CHD9: variants seen among roughly 807,000 people sequenced by gnomAD.
CHD9 encodes chromodomain helicase DNA binding protein 9.
A neutral mutation model predicts 316.1 loss-of-function variants in CHD9; 77 were observed. The ratio of observed to expected loss-of-function variants is 0.24; its 90% CI spans 0.20 to 0.29. The LOEUF is 0.29. Ranked by LOEUF, CHD9 falls within the 10% of genes least tolerant of loss-of-function variation. The pLI, the probability that CHD9 is intolerant of heterozygous loss-of-function variation, is 1.00. For synonymous variants in CHD9, 1,129 were observed against 1,158.3 expected (o/e 0.97, Z 0.51); for missense variants, 2,763 against 3,438.1 (o/e 0.80, Z 4.91).
At chr16:53,140,438 A>T (rs1330942464) in intron 1 of CHD9, among the ~76,000 whole-genome samples, 2 of 151,056 alleles carry the variant, frequency 1.3e-5, no homozygotes, top group African/African-American at 4.9e-5. Flanking sequence ...AAAAAAGAAT[A>T]TTTAGATTTG....
intron 1 of CHD9, among the ~76,000 whole-genome samples, chr16:53,114,521 G>A (rs1418364790): frequency 6.6e-6 from 1 of 152,120 alleles, no homozygotes; most frequent in African/African-American, 2.4e-5. Context: ...GCCTCCCAAA[G>A]TGCTGGGATT....
intron 20 of CHD9, among the ~76,000 whole-genome samples, chr16:53,266,564 A>G (rs908996257): frequency 6.6e-6 from 1 of 152,166 alleles, no homozygotes; most frequent in Non-Finnish European, 1.5e-5. Context: ...GATACCTCTT[A>G]TATCATAAAA....
intron 7 of CHD9, among the ~76,000 whole-genome samples, chr16:53,228,391 C>T (rs1048589220): frequency 3.3e-5 from 5 of 151,514 alleles, no homozygotes; most frequent in African/African-American, 4.8e-5. Context: ...TTATGTCAGA[C>T]GCACACAATG....
Position 53,324,858 on chromosome 16 carries a change from C to G in CHD9, c.8657C>G (p.Ser2886Trp). 2 of 1,606,436 alleles carry G rather than the reference C, an allele frequency of 1.2e-6. No homozygotes were observed. Among genetic ancestry groups the G allele is most frequent in the Non-Finnish European group, 1.7e-6 (2 of 1,176,970 alleles). Reference protein sequence around the residue: ...DASSGSDSTSSSSEDSDSSNE... With the variant: ...DASSGSDSTSWSSEDSDSSNE... ...TCATCTGGATCTGATAGTACATCGTCGTCATCTGAGGATTCAGATTCTAGT... is the reference window on the plus strand; with the variant it reads ...TCATCTGGATCTGATAGTACATCGTGGTCATCTGAGGATTCAGATTCTAGT... Residue 2886 changes from serine (S) to tryptophan (W), a missense_variant, in exon 39 of 39, where the codon TCG becomes TGG. Ser to Trp is a radical substitution (Grantham distance 177). Transcript: ENST00000447540.
chr16:53,248,858 A>G (rs1031242011), intron 16 of CHD9, among the ~76,000 whole-genome samples: 3 of 151,934 alleles, frequency 2.0e-5, no homozygotes, highest in Non-Finnish European at 2.9e-5. Context: ...ACCCATATAG[A>G]TAAGTAAAGG....
intron 21 of CHD9, 107 bp from the exon 22 acceptor site, chr16:53,267,820 A>C (rs886244828): frequency 2.1e-6 from 2 of 932,512 alleles, no homozygotes; most frequent in Non-Finnish European, 3.2e-6. Context: ...AGACTTAATT[A>C]GCAAAAATGA....
intron 36 of CHD9, 144 bp downstream of exon 36, chr16:53,315,188 A>T: frequency 1.6e-6 from 1 of 626,186 alleles, no homozygotes; most frequent in Non-Finnish European, 2.8e-6. Context: ...AATAATTACC[A>T]TCCTTCCCAT....
Position 53,113,680 on chromosome 16 carries a change from T to C in CHD9, c.-164-42246T>C, listed in dbSNP as rs143209193. Among the ~76,000 whole-genome samples the C allele has an allele frequency of 2.2e-3, 341 of 152,120 alleles. 2 individuals are homozygous for C. The highest frequency in any genetic ancestry group is 8.0e-3 in the African/African-American group (330 of 41,494). Reference sequence around the variant, plus strand: ...GACTTCCAGGATGAGCCTAGTTTTTTTGTTCTTTTTCTGTTTTGTTTTGTT... The same window carrying C: ...GACTTCCAGGATGAGCCTAGTTTTTCTGTTCTTTTTCTGTTTTGTTTTGTT... On this transcript the variant is annotated intron_variant, in intron 1 of 38. Coordinates refer to ENST00000447540, the MANE Select transcript of CHD9 (RefSeq NM_001308319.2).
chr16:53,220,067 A>G (rs903093189), intron 3 of CHD9, among the ~76,000 whole-genome samples: 51 of 152,198 alleles, frequency 3.4e-4, no homozygotes, highest in African/African-American at 1.2e-3. Flanking sequence ...TATTTTAGGA[A>G]AGAAACTAGA....
intron 1 of CHD9, among the ~76,000 whole-genome samples, chr16:53,069,859 C>T (rs1596869781): frequency 6.6e-6 from 1 of 152,302 alleles, no homozygotes; most frequent in Non-Finnish European, 1.5e-5. Context: ...ACCAACAATG[C>T]ACCAAGGTTT....
intron 28 of CHD9, 114 bp from the exon 29 acceptor site, chr16:53,292,719 G>A: frequency 1.3e-6 from 1 of 757,726 alleles, no homozygotes; most frequent in Non-Finnish European, 2.2e-6. Context: ...TGAGAAATAT[G>A]TTTTTTTTTC....
rs113135085 is a variant in CHD9 at position 53,145,238 on chromosome 16, G to A, written c.-164-10688G>A. Among the ~76,000 whole-genome samples, 38 of 150,896 alleles carry A rather than the reference G, an allele frequency of 2.5e-4. 1 individual carries two copies. Among genetic ancestry groups the A allele is most frequent in the East Asian group, 8.2e-4 (4 of 4,870 alleles). On this transcript the variant is annotated intron_variant, in intron 1 of 38. Transcript: ENST00000447540. ...GCGATCTCAGCTCACTGCAACCTCC[G>A]CCTCCCGGGTTCAAATGATTCTCCT...
rs543914272 is a variant in CHD9, at chr16:53,094,277, G to A, written c.-165+39200G>A. Among the ~76,000 whole-genome samples the A allele has an allele frequency of 5.9e-5, 9 of 152,306 alleles. 1 individual carries two copies. The South Asian group carries it at 1.2e-3, about 21-fold the overall frequency. ...AGCATCCGCCTAGTCTGGGCTGGGC[G>A]GGGCAGGGCTGATCCTGTCTGAGAA... On this transcript the variant is annotated intron_variant, in intron 1 of 38. Coordinates refer to ENST00000447540, the MANE Select transcript of CHD9 (RefSeq NM_001308319.2).
intron 24 of CHD9, among the ~76,000 whole-genome samples, chr16:53,279,214 A>G (rs1229627752): frequency 1.3e-5 from 2 of 152,172 alleles, no homozygotes; most frequent in African/African-American, 2.4e-5. Context: ...TTGTAGGGAC[A>G]TGGATGAAGC....
At chr16:53,086,763 A>G (rs2035497739) in intron 1 of CHD9, among the ~76,000 whole-genome samples, 1 of 152,242 alleles carries the variant, frequency 6.6e-6, no homozygotes, top group Non-Finnish European at 1.5e-5. Flanking sequence ...GAACCCTCAT[A>G]ACCCAGCTTC....
At chr16:53,231,001 CT>C (rs1243114464) in intron 8 of CHD9, among the ~76,000 whole-genome samples, 1 of 152,054 alleles carries the variant, frequency 6.6e-6, no homozygotes, top group Admixed American at 6.5e-5. Flanking sequence ...TTTGAGGTAC[CT>C]CAGTAAAGTT....
chr16:53,063,875 C>G (rs1384994661), intron 1 of CHD9, among the ~76,000 whole-genome samples: 1 of 148,956 alleles, frequency 6.7e-6, no homozygotes, highest in Non-Finnish European at 1.5e-5. Flanking sequence ...CACTCTGTTG[C>G]CTAGGCTGGA....
rs756584364 is a variant in CHD9 at position 53,318,206 on chromosome 16, T to A, written c.7585-6T>A. The A allele has an allele frequency of 1.2e-6, 2 of 1,606,386 alleles. No homozygotes were observed. The highest frequency in any genetic ancestry group is 1.7e-6 in the Non-Finnish European group (2 of 1,176,900). The stretch of plus-strand genomic sequence containing the variant: ...TTAAAGATATGTCTTTATCTATATA[T>A]TTTAGAGAATGCAGCTTCATGAGGG... On this transcript the variant is annotated splice_polypyrimidine_tract_variant and splice_region_variant and intron_variant, in intron 36 of 38. Transcript: ENST00000447540.
chr16:53,091,009 C>A (rs375755701), intron 1 of CHD9, among the ~76,000 whole-genome samples: 1 of 151,790 alleles, frequency 6.6e-6, no homozygotes, highest in African/African-American at 2.4e-5. Flanking sequence ...TCACCCCCCC[C>A]CGACTGACCG....
Sources: gnomAD v4.1 joint callset for allele counts (sites outside exome capture counted in the v4.1 genomes callset) on GRCh38, gnomAD v4.1.1 for gene constraint, MANE v1.5 for transcripts, NCBI Gene and HGNC (gene_info 2026-07-23, HGNC 2026-07-21) for gene names.